Variants in FAM135B observed in about 807,000 individuals in gnomAD.
FAM135B encodes family with sequence similarity 135 member B, also known as protein FAM135B.
Under a neutral mutation model 127.7 loss-of-function variants are expected in FAM135B, and 43 were observed. The observed-to-expected ratio is 0.34, with a 90% CI of 0.26 to 0.43. The LOEUF (loss-of-function observed/expected upper bound fraction) is 0.43. Ranked by LOEUF, FAM135B falls within the 20% of genes least tolerant of loss-of-function variation. FAM135B has a pLI of 1.00. For missense variants in FAM135B, 1,558 were observed against 1,725.6 expected, an observed-to-expected ratio of 0.90 and a Z score of 1.72; for synonymous variants, 670 against 665.1, an observed-to-expected ratio of 1.01 and a Z score of -0.11.
intron 5 of FAM135B, among the ~76,000 whole-genome samples, chr8:138,254,497 G>A (rs1431312755): frequency 6.6e-6 from 1 of 152,186 alleles, no homozygotes; most frequent in African/African-American, 2.4e-5. Context: ...GGTTAATGGA[G>A]GCGTTAATGA....
In FAM135B at chr8:138,460,356, C is replaced by T. The variant is rs140818521; in HGVS notation, c.-20+36315G>A. Among the ~76,000 whole-genome samples the T allele has an allele frequency of 3.9e-3, 600 of 152,294 alleles. 2 individuals carry two copies. Among genetic ancestry groups the T allele is most frequent in the African/African-American group, 0.014 (570 of 41,552 alleles). On this transcript the variant is annotated intron_variant, in intron 1 of 19. Coordinates refer to ENST00000395297, the MANE Select transcript of FAM135B (RefSeq NM_015912.4). Reference sequence around the variant, plus strand: ...CAGTGCTATGCTGCAGTGCCTGAGACACCCACAGCCCCAGAAGCTAAAGCC... The same window carrying T: ...CAGTGCTATGCTGCAGTGCCTGAGATACCCACAGCCCCAGAAGCTAAAGCC...
chr8:138,213,166 T>C (rs1260660269), intron 7 of FAM135B, among the ~76,000 whole-genome samples: 1 of 152,140 alleles, frequency 6.6e-6, no homozygotes, highest in Non-Finnish European at 1.5e-5. Flanking sequence ...TGCCTTCATG[T>C]GAAAATGCTG....
At chr8:138,403,715 C>A (rs576816935) in intron 1 of FAM135B, among the ~76,000 whole-genome samples, 1 of 152,168 alleles carries the variant, frequency 6.6e-6, no homozygotes, top group Non-Finnish European at 1.5e-5. Context: ...ACATTCTGTG[C>A]CTCTTCTGAA....
intron 1 of FAM135B, among the ~76,000 whole-genome samples, chr8:138,462,646 T>C (rs190150010): frequency 3.3e-4 from 51 of 152,264 alleles, no homozygotes; most frequent in Middle Eastern, 3.4e-3. Flanking sequence ...CTTCTCTGTG[T>C]CCATTTTCTA....
rs562769783 is a variant in FAM135B, at chr8:138,188,949, G to A, written c.873+6309C>T. 2.6e-5 allele frequency among the ~76,000 whole-genome samples: 4 copies of A among 152,344 alleles called. No individual in the cohort carries two copies. The South Asian group carries it at 8.3e-4, about 32-fold the overall frequency. On this transcript the variant is annotated intron_variant, in intron 9 of 19. Transcript: ENST00000395297. ...GGAAAATTCTGGGCAGAAGAGGGAAGGTCCTGGCAAGGGCCCCACCCTCAG... is the reference window on the plus strand; with the variant it reads ...GGAAAATTCTGGGCAGAAGAGGGAAAGTCCTGGCAAGGGCCCCACCCTCAG...
intron 3 of FAM135B, among the ~76,000 whole-genome samples, chr8:138,271,806 T>C (rs1034139110): frequency 2.0e-5 from 3 of 152,194 alleles, no homozygotes; most frequent in Non-Finnish European, 4.4e-5. Flanking sequence ...AATGGTTTTG[T>C]TAATTGCAAA....
chr8:138,285,134 ATTTTTTTTT>A (rs386414180), intron 3 of FAM135B, among the ~76,000 whole-genome samples: 84 of 54,794 alleles, frequency 1.5e-3, no homozygotes, highest in African/African-American at 4.5e-3. Context: ...GGCTCTACTA[ATTTTTTTTT>A]TTTTTTTTTT....
At chr8:138,301,480 C>T (rs1362445204) in intron 3 of FAM135B, among the ~76,000 whole-genome samples, 1 of 152,140 alleles carries the variant, frequency 6.6e-6, no homozygotes, top group African/African-American at 2.4e-5. Flanking sequence ...CCTTCAAGAG[C>T]TCAATTTTCT....
chr8:138,219,759 C>T (rs1052711934), intron 7 of FAM135B, among the ~76,000 whole-genome samples: 12 of 152,108 alleles, frequency 7.9e-5, no homozygotes, highest in Non-Finnish European at 1.3e-4. Flanking sequence ...TGCATTAGCA[C>T]GGATCAGGTT....
At position 138,242,891 on chromosome 8, in the gene FAM135B, T is replaced by C; in HGVS notation, c.669+51A>G. On this transcript the variant is annotated intron_variant, in intron 7 of 19. Transcript: ENST00000395297. This position sits in a 1 kb window ranked among gnomAD's most constrained non-coding sequence, Gnocchi z 9.6. The stretch of plus-strand genomic sequence containing the variant: ...CATGAATCTCATAGAACATACACTC[T>C]GCAAAGTAAAGTTTGAAAGTTTTGA... The C allele has an allele frequency of 6.3e-7, 1 of 1,582,530 alleles. No individual in the cohort carries two copies. Among genetic ancestry groups the C allele is most frequent in the Non-Finnish European group, 8.6e-7 (1 of 1,166,486 alleles).
chr8:138,241,783 C>A lies in FAM135B; in HGVS notation c.669+1159G>T, dbSNP rs972131134. Among the ~76,000 whole-genome samples the A allele has an allele frequency of 2.0e-5, 3 of 152,166 alleles. No individual in the cohort carries two copies. The highest frequency in any genetic ancestry group is 7.2e-5 in the African/African-American group (3 of 41,452). ...CATCTTACTTGGGCCACAAGGTGCCCAGACGTTTGGTTGAACATTATTCTA... is the reference window on the plus strand; with the variant it reads ...CATCTTACTTGGGCCACAAGGTGCCAAGACGTTTGGTTGAACATTATTCTA... On this transcript the variant is annotated intron_variant, in intron 7 of 19. Coordinates refer to ENST00000395297, the MANE Select transcript of FAM135B (RefSeq NM_015912.4). This position sits in a 1 kb window ranked among gnomAD's most constrained non-coding sequence, Gnocchi z 4.8.
chr8:138,390,831 T>C (rs1273093293), intron 1 of FAM135B, among the ~76,000 whole-genome samples: 2 of 152,048 alleles, frequency 1.3e-5, no homozygotes, highest in African/African-American at 2.4e-5. Context: ...TCTATGGCAG[T>C]GTTAGAAGCA....
chr8:138,275,737 C>G (rs1298900977), intron 3 of FAM135B, among the ~76,000 whole-genome samples: 1 of 152,028 alleles, frequency 6.6e-6, no homozygotes, highest in East Asian at 1.9e-4. Context: ...AAACCAGACG[C>G]CATTATCCCC....
chr8:138,413,671 C>A (rs1833986116), intron 1 of FAM135B, among the ~76,000 whole-genome samples: 1 of 152,200 alleles, frequency 6.6e-6, no homozygotes, highest in Non-Finnish European at 1.5e-5. Context: ...GTCGTGCTGA[C>A]AATTTCAACA....
intron 1 of FAM135B, among the ~76,000 whole-genome samples, chr8:138,480,850 C>G (rs1228994877): frequency 6.6e-6 from 1 of 152,166 alleles, no homozygotes; most frequent in Admixed American, 6.5e-5. Flanking sequence ...TGAGACTGAT[C>G]ATCTTTGTGA....
intron 1 of FAM135B, among the ~76,000 whole-genome samples, chr8:138,430,149 T>C (rs565757560): frequency 2.0e-5 from 3 of 152,158 alleles, no homozygotes; most frequent in Admixed American, 6.6e-5. Context: ...TGTCTTCTCC[T>C]GATCCTTCAG....
At chr8:138,338,515 A>G (rs1190840573) in intron 2 of FAM135B, among the ~76,000 whole-genome samples, 9 of 151,966 alleles carry the variant, frequency 5.9e-5, no homozygotes, top group African/African-American at 2.2e-4. Flanking sequence ...AAAAATGCTC[A>G]TCATCACTGG....
chr8:138,297,571 C>T (rs923190666), intron 3 of FAM135B, among the ~76,000 whole-genome samples: 11 of 152,162 alleles, frequency 7.2e-5, no homozygotes, highest in African/African-American at 2.7e-4. Context: ...GTGTAGTTAA[C>T]CTAGAGGTCA....
chr8:138,488,509 G>T (rs545851128), intron 1 of FAM135B, among the ~76,000 whole-genome samples: 4 of 152,092 alleles, frequency 2.6e-5, no homozygotes, highest in African/African-American at 9.7e-5. Flanking sequence ...ACTACAAAGA[G>T]GGGACTTAGG....
Sources: gnomAD v4.1 joint callset for allele counts (sites outside exome capture counted in the v4.1 genomes callset) on GRCh38, gnomAD v4.1.1 for gene constraint, Gnocchi (gnomAD v3.1) non-coding constraint, MANE v1.5 for transcripts, NCBI Gene and HGNC (gene_info 2026-07-23, HGNC 2026-07-21) for gene names.